The following CHST11 variants were observed in gnomAD, a reference collection of about 807,000 sequenced individuals.
The protein encoded by CHST11 is carbohydrate sulfotransferase 11.
In CHST11, 9 loss-of-function variants were observed where a neutral mutation model predicts 30.4. That is an observed-to-expected ratio of 0.30 (90% CI 0.18 to 0.52). CHST11 has a LOEUF of 0.52. CHST11 is among the 20% of genes least tolerant of loss of function. CHST11 has a pLI of 0.97. For missense variants in CHST11, 348 were observed against 460.6 expected, an observed-to-expected ratio of 0.76 and a Z score of 2.24; for synonymous variants, 152 against 187.8, an observed-to-expected ratio of 0.81 and a Z score of 1.56.
At chr12:104,708,084 C>T (rs2040052126) in intron 2 of CHST11, among the ~76,000 whole-genome samples, 1 of 152,220 alleles carries the variant, frequency 6.6e-6, no homozygotes, top group Non-Finnish European at 1.5e-5. Context: ...CTTCTCCTCC[C>T]CGGGGAGATT....
chr12:104,470,779 G>C (rs1052623782), intron 1 of CHST11, among the ~76,000 whole-genome samples: 1 of 152,164 alleles, frequency 6.6e-6, no homozygotes, highest in South Asian at 2.1e-4. Context: ...CTGCCTAATC[G>C]GAAAGCTGGA....
intron 1 of CHST11, among the ~76,000 whole-genome samples, chr12:104,562,399 CT>C (rs1399296335): frequency 6.6e-6 from 1 of 152,128 alleles, no homozygotes; most frequent in Non-Finnish European, 1.5e-5. Flanking sequence ...ATGAGGCCAT[CT>C]TCCCCCTGCA....
intron 2 of CHST11, among the ~76,000 whole-genome samples, chr12:104,641,147 C>G (rs967934811): frequency 5.9e-5 from 9 of 152,176 alleles, no homozygotes; most frequent in African/African-American, 2.2e-4. Context: ...TTTAGCTCCC[C>G]TTCCTGCTGA....
intron 2 of CHST11, among the ~76,000 whole-genome samples, chr12:104,691,181 A>T (rs1435869725): frequency 6.6e-6 from 1 of 152,214 alleles, no homozygotes; most frequent in Non-Finnish European, 1.5e-5. Flanking sequence ...AAAATGTGCC[A>T]GTGCCCAATA....
chr12:104,488,840 G>C (rs1287258310), intron 1 of CHST11, among the ~76,000 whole-genome samples: 1 of 151,918 alleles, frequency 6.6e-6, no homozygotes, highest in Admixed American at 6.6e-5. Flanking sequence ...CTATAACAAA[G>C]TACTGCAAAC....
intron 2 of CHST11, among the ~76,000 whole-genome samples, chr12:104,747,279 C>T (rs2040395573): frequency 6.6e-6 from 1 of 152,210 alleles, no homozygotes; most frequent in South Asian, 2.1e-4. Flanking sequence ...CCACAGTCTG[C>T]CTGGACTCGA....
intron 1 of CHST11, among the ~76,000 whole-genome samples, chr12:104,584,819 T>C (rs965482274): frequency 2.0e-5 from 3 of 152,244 alleles, no homozygotes; most frequent in Non-Finnish European, 4.4e-5. Context: ...AGGGAAATTC[T>C]ATAGCAAACA....
At chr12:104,706,739 T>G (rs1164427722) in intron 2 of CHST11, among the ~76,000 whole-genome samples, 1 of 152,166 alleles carries the variant, frequency 6.6e-6, no homozygotes, top group Non-Finnish European at 1.5e-5. Context: ...TGAGCCTTAT[T>G]GATCAACCAA....
chr12:104,594,132 A>C (rs1366039995), intron 1 of CHST11, among the ~76,000 whole-genome samples: 3 of 152,174 alleles, frequency 2.0e-5, no homozygotes, highest in Non-Finnish European at 4.4e-5. Context: ...CGGAGCACTT[A>C]GGCAGTGGAC....
Position 104,740,287 on chromosome 12 carries a change from T to A in CHST11, c.205-16662T>A, listed in dbSNP as rs11112180. ...AATTTCCATTGATCATAAATCTACA[T>A]GTGTTGTCAAAATACTCCTCTGAGG... On this transcript the variant is annotated intron_variant, in intron 2 of 2. Coordinates refer to ENST00000303694, the MANE Select transcript of CHST11 (RefSeq NM_018413.6). Among the ~76,000 whole-genome samples, 3,889 of 152,300 alleles carry A rather than the reference T, an allele frequency of 0.026. 314 individuals carry two copies. The East Asian group carries it at 0.26, about 10-fold the overall frequency.
At chr12:104,614,633 A>ATG (rs367978856) in intron 2 of CHST11, among the ~76,000 whole-genome samples, 1 of 151,536 alleles carries the variant, frequency 6.6e-6, no homozygotes, top group Non-Finnish European at 1.5e-5. Flanking sequence ...AGGCATGTGT[A>ATG]TGTGTGTGTG....
Position 104,757,993 on chromosome 12 carries a change from G to A in CHST11, c.*190G>A. ...CTGTCTTTGCAGGGGAAATAGGATG[G>A]GTCGTCCTTGTCTGTAGAAGTGAAT... On this transcript the variant is annotated 3_prime_UTR_variant, in exon 3 of 3. Transcript: ENST00000303694. The surrounding 1 kb of genome is among the most constrained non-coding windows in gnomAD (Gnocchi z 6.5). 2 of 634,650 alleles carry A rather than the reference G, an allele frequency of 3.2e-6. No individual in the cohort carries two copies. Among genetic ancestry groups the A allele is most frequent in the Non-Finnish European group, 2.6e-6 (1 of 377,388 alleles). 39.3% of individuals were successfully genotyped at this position (634,650 alleles called of 1,614,324 possible).
rs1016201742 is a variant in CHST11 at position 104,463,879 on chromosome 12, C to T, written c.118+6350C>T. ...GGTCAGAGTGCCCAGAGCAGAGGGA[C>T]GGAGGCAGCCAACAACCACAGTGGG... On this transcript the variant is annotated intron_variant, in intron 1 of 2. Transcript: ENST00000303694. Among the ~76,000 whole-genome samples the T allele has an allele frequency of 3.9e-5, 6 of 152,070 alleles. No homozygotes were observed. The East Asian group carries it at 5.8e-4, about 15-fold the overall frequency.
chr12:104,657,348 C>A (rs1273873280), intron 2 of CHST11, among the ~76,000 whole-genome samples: 1 of 152,198 alleles, frequency 6.6e-6, no homozygotes, highest in Non-Finnish European at 1.5e-5. Flanking sequence ...AAAATACAAG[C>A]CTTGCTATGT....
At chr12:104,747,878 A>G (rs2040400606) in intron 2 of CHST11, among the ~76,000 whole-genome samples, 1 of 152,138 alleles carries the variant, frequency 6.6e-6, no homozygotes, top group Non-Finnish European at 1.5e-5. Flanking sequence ...GGGAAATTGC[A>G]AACGCTGCAG....
rs1159047709 is a variant in CHST11, at chr12:104,753,709, T to C, written c.205-3240T>C. 3.9e-5 allele frequency among the ~76,000 whole-genome samples: 6 copies of C among 152,356 alleles called. No individual in the cohort carries two copies. The East Asian group carries it at 9.6e-4, about 24-fold the overall frequency. On this transcript the variant is annotated intron_variant, in intron 2 of 2. Coordinates refer to ENST00000303694, the MANE Select transcript of CHST11 (RefSeq NM_018413.6). ...ACCAGTTGGCTACCCTGGAAGAAAC[T>C]GGGCTCTACCCAACATTAAAGGTGG...
intron 2 of CHST11, among the ~76,000 whole-genome samples, chr12:104,627,912 G>A (rs1424974536): frequency 2.0e-5 from 3 of 152,120 alleles, no homozygotes; most frequent in Admixed American, 2.0e-4. Flanking sequence ...TTGAACACTC[G>A]CTCTGTGCTT....
intron 2 of CHST11, among the ~76,000 whole-genome samples, chr12:104,742,555 C>A (rs1460546328): frequency 6.6e-6 from 1 of 152,236 alleles, no homozygotes; most frequent in African/African-American, 2.4e-5. Context: ...ACCGTTGTTC[C>A]TGTTCCGGGC....
intron 1 of CHST11, among the ~76,000 whole-genome samples, chr12:104,512,632 G>T (rs1292387215): frequency 6.6e-6 from 1 of 152,156 alleles, no homozygotes; most frequent in African/African-American, 2.4e-5. Flanking sequence ...CTATTATTGA[G>T]GTAGAGGGAG....
Sources: allele counts gnomAD v4.1 joint callset (sites outside exome capture counted in the v4.1 genomes callset), GRCh38; gene constraint gnomAD v4.1.1; non-coding constraint Gnocchi (gnomAD v3.1); transcripts MANE v1.5; gene names NCBI Gene and HGNC (gene_info 2026-07-23, HGNC 2026-07-21).